USP32: variants seen among roughly 807,000 people sequenced by gnomAD.
The protein encoded by USP32 is ubiquitin carboxyl-terminal hydrolase 32.
In USP32, 59 loss-of-function variants were observed where a neutral mutation model predicts 204.8. The ratio of observed to expected loss-of-function variants is 0.29; its 90% confidence interval spans 0.23 to 0.36. The LOEUF (loss-of-function observed/expected upper bound fraction) is 0.36. Ranked by LOEUF, USP32 falls within the 10% of genes least tolerant of loss-of-function variation. USP32 has a pLI of 1.00. For missense variants in USP32, 1,160 were observed against 1,946.4 expected (o/e 0.60, Z 7.60); for synonymous variants, 517 against 678.4 (o/e 0.76, Z 3.70).
At chr17:60,266,745 T>G (rs947881854) in intron 7 of USP32, among the ~76,000 whole-genome samples, 1 of 150,550 alleles carries the variant, frequency 6.6e-6, no homozygotes, top group South Asian at 2.1e-4. Context: ...AACCTCTGCC[T>G]CCCGGGTTCA....
At chr17:60,349,603 A>ATC (rs2088883517) in intron 1 of USP32, among the ~76,000 whole-genome samples, 1 of 64,142 alleles carries the variant, frequency 1.6e-5, no homozygotes, top group Non-Finnish European at 2.7e-5. Context: ...AAAAATATAT[A>ATC]TATATATATA....
chr17:60,257,038 A>T (rs536590165), intron 9 of USP32: 2 of 239,780 alleles, frequency 8.3e-6, no homozygotes, highest in African/African-American at 4.7e-5. Flanking sequence ...GCTGTGACAT[A>T]ATGGAGTTGA....
At chr17:60,301,070 T>C (rs958345509) in intron 3 of USP32, among the ~76,000 whole-genome samples, 5 of 152,256 alleles carry the variant, frequency 3.3e-5, no homozygotes, top group Admixed American at 1.3e-4. Context: ...GGATATATCA[T>C]GTTTTGTTTA....
intron 11 of USP32, among the ~76,000 whole-genome samples, chr17:60,244,017 T>TGAC: frequency 6.6e-6 from 1 of 150,774 alleles, no homozygotes. Context: ...GAATCTCAAG[T>TGAC]AGCTGGATTG....
intron 1 of USP32, among the ~76,000 whole-genome samples, chr17:60,377,031 T>G (rs2089558563): frequency 6.6e-6 from 1 of 152,200 alleles, no homozygotes. Context: ...GGGCTACATT[T>G]GAGGGGTTAT....
chr17:60,226,182 T>C lies in USP32; in HGVS notation c.1289A>G (p.Lys430Arg), dbSNP rs766284357. The change falls in exon 13 of 34, where the codon AAA (lysine) becomes AGA (arginine). Residue 430 changes from lysine to arginine, a missense_variant. This residue lies in a region of USP32 where 536 missense variants were observed against 680.9 expected (regional missense o/e 0.79). Coordinates refer to ENST00000300896, the MANE Select transcript of USP32 (RefSeq NM_032582.4). ...ATGGGCTGCAGTTCCAAATGAGTAT[T>C]TTCCTCCATTCAAAACAGATGATGG... ...IEPSSVLNGG[K>R]YSFGTAAHPM... 1.3e-6 allele frequency: 2 copies of C among 1,587,054 alleles called. No homozygotes were observed. Among genetic ancestry groups the C allele is most frequent in the Non-Finnish European group, 1.7e-6 (2 of 1,170,932 alleles).
chr17:60,362,941 TA>T lies in USP32; in HGVS notation c.59-17334del, dbSNP rs1357839712. Among the ~76,000 whole-genome samples the T allele has an allele frequency of 6.6e-5, 10 of 152,106 alleles. No homozygotes were observed. In the East Asian group the frequency reaches 1.9e-3, roughly 29 times the overall value. On this transcript the variant is annotated intron_variant, in intron 1 of 33. Coordinates refer to ENST00000300896, the MANE Select transcript of USP32 (RefSeq NM_032582.4). ...TAATAACTGATTGTCTTTAACTCATTAAACAAAATAAGATTAATAATAAATG... is the reference window on the plus strand; with the variant it reads ...TAATAACTGATTGTCTTTAACTCATTAACAAAATAAGATTAATAATAAATG...
chr17:60,335,120 C>T (rs968021891), intron 2 of USP32, among the ~76,000 whole-genome samples: 5 of 142,192 alleles, frequency 3.5e-5, no homozygotes, highest in Non-Finnish European at 7.4e-5. Flanking sequence ...AGACTACAGG[C>T]GTGCAAGACA....
intron 4 of USP32, among the ~76,000 whole-genome samples, chr17:60,289,640 G>A (rs1409940496): frequency 6.6e-6 from 1 of 152,140 alleles, no homozygotes; most frequent in Non-Finnish European, 1.5e-5. Context: ...GCATCATATG[G>A]TTGTTCACGC....
chr17:60,312,265 C>A (rs2087871623), intron 2 of USP32, among the ~76,000 whole-genome samples: 1 of 152,154 alleles, frequency 6.6e-6, no homozygotes, highest in South Asian at 2.1e-4. Context: ...CACTGATGAG[C>A]TCATAACTTT....
At chr17:60,379,595 G>A (rs2089611838) in intron 1 of USP32, among the ~76,000 whole-genome samples, 3 of 152,118 alleles carry the variant, frequency 2.0e-5, no homozygotes, top group African/African-American at 4.8e-5. Flanking sequence ...ACCTACAATT[G>A]TCTATCTTCT....
At chr17:60,296,664 T>C (rs1221241299) in intron 3 of USP32, among the ~76,000 whole-genome samples, 1 of 152,144 alleles carries the variant, frequency 6.6e-6, no homozygotes, top group Non-Finnish European at 1.5e-5. Context: ...TTTTAAAAAA[T>C]GAAGAAACTT....
At chr17:60,402,437 G>A (rs1431184857) in intron 1 of USP32, among the ~76,000 whole-genome samples, 1 of 151,748 alleles carries the variant, frequency 6.6e-6, no homozygotes, top group Non-Finnish European at 1.5e-5. Flanking sequence ...TTTTTGTAGA[G>A]ACAGGGCTTC....
At chr17:60,396,791 A>G (rs1360090851), upstream of USP32, among the ~76,000 whole-genome samples, 2 of 152,226 alleles carry the variant, frequency 1.3e-5, no homozygotes, top group African/African-American at 2.4e-5. Flanking sequence ...TTGTTTTACT[A>G]CAATCTATGT....
At chr17:60,394,804 C>T (rs764027172), upstream of USP32, among the ~76,000 whole-genome samples, 6 of 152,138 alleles carry the variant, frequency 3.9e-5, no homozygotes, top group Middle Eastern at 3.4e-3. Flanking sequence ...AATGCAGTGG[C>T]GCAATCTCGG....
chr17:60,322,124 C>T (rs1312437170), intron 2 of USP32, among the ~76,000 whole-genome samples: 2 of 152,002 alleles, frequency 1.3e-5, no homozygotes, highest in Non-Finnish European at 2.9e-5. Flanking sequence ...ACATAAGACT[C>T]AACATGCTGG....
chr17:60,243,172 T>C (rs909585620), intron 11 of USP32, among the ~76,000 whole-genome samples: 1 of 152,216 alleles, frequency 6.6e-6, no homozygotes, highest in African/African-American at 2.4e-5. Flanking sequence ...TTCTATCTAG[T>C]ACATGACAAT....
chr17:60,224,052 T>G (rs1418206794), intron 13 of USP32, among the ~76,000 whole-genome samples: 12 of 152,242 alleles, frequency 7.9e-5, no homozygotes. Context: ...CTATTGTATC[T>G]ATGAACTCAA....
At chr17:60,391,556 G>A (rs1309138517) in intron 1 of USP32, among the ~76,000 whole-genome samples, 1 of 152,168 alleles carries the variant, frequency 6.6e-6, no homozygotes, top group Non-Finnish European at 1.5e-5. Flanking sequence ...GAGGGGGGCT[G>A]GATGGGCTGG....
Sources: gnomAD v4.1 joint callset for allele counts (sites outside exome capture counted in the v4.1 genomes callset) on GRCh38, gnomAD v4.1.1 for gene constraint, gnomAD v4.1.1 regional missense constraint, MANE v1.5 for transcripts, NCBI Gene and HGNC (gene_info 2026-07-23, HGNC 2026-07-21) for gene names.